Variants in FUS observed in about 807,000 individuals in gnomAD.
FUS encodes the protein RNA-binding protein FUS.
Under a neutral mutation model 82.7 loss-of-function variants are expected in FUS, and 5 were observed. The observed-to-expected ratio is 0.06, with a 90% CI of 0.03 to 0.13. The LOEUF is 0.13. FUS is among the 10% of genes least tolerant of loss of function. FUS has a pLI of 1.00. For synonymous variants in FUS, 281 were observed against 247.4 expected, an observed-to-expected ratio of 1.14 and a Z score of -1.27; for missense variants, 512 against 707.8, an observed-to-expected ratio of 0.72 and a Z score of 3.14.
rs377225901 is a variant in FUS, at chr16:31,182,472, A to T, written c.39-41A>T. 2.5e-6 allele frequency: 4 copies of T among 1,614,074 alleles called. No homozygotes were observed. In the Admixed American group the frequency reaches 6.7e-5, roughly 27 times the overall value. On this transcript the variant is annotated intron_variant, in intron 2 of 14. Coordinates refer to ENST00000254108, the MANE Select transcript of FUS (RefSeq NM_004960.4). ...GAGTTTGTAGAGGGCAAGGGTGGTC[A>T]CGCCATGTTTTCTGATCACGCTGGT...
At chr16:31,193,183 G>T (rs1168397958), downstream of FUS, 1 of 490,240 alleles carries the variant, frequency 2.0e-6, no homozygotes, top group East Asian at 4.8e-5. Flanking sequence ...CTCAGGTGAT[G>T]TGCACACCTC....
intron 3 of FUS, chr16:31,183,082 A>AAC: frequency 3.6e-6 from 1 of 276,244 alleles, no homozygotes. Flanking sequence ...GAAACAGTGT[A>AAC]TAAGTCTTAA....
chr16:31,187,959 TCTCTC>T, intron 7 of FUS: 1 of 349,094 alleles, frequency 2.9e-6, no homozygotes. Context: ...CCATCTCTCT[TCTCTC>T]GGGTGAGAGA....
At chr16:31,192,187 C>T, downstream of FUS, 2 of 528,138 alleles carry the variant, frequency 3.8e-6, no homozygotes, top group Non-Finnish European at 7.3e-6. Context: ...CTTTCACATC[C>T]TGCCTGTACT....
At chr16:31,191,238 G>A in intron 14 of FUS, 128 bp downstream of exon 14, 1 of 1,471,546 alleles carries the variant, frequency 6.8e-7, no homozygotes, top group Non-Finnish European at 9.4e-7. Context: ...AACCAGTAGT[G>A]GAGAGGGAAG....
chr16:31,192,433 A>G (rs902007726), downstream of FUS: 3 of 523,168 alleles, frequency 5.7e-6, no homozygotes, highest in Non-Finnish European at 1.1e-5. Flanking sequence ...AGAGCGTAAC[A>G]TTAACCCAAG....
In FUS at chr16:31,189,023, A is replaced by C; in HGVS notation, c.833-100A>C. The C allele has an allele frequency of 6.8e-6, 6 of 878,222 alleles. No homozygotes were observed. The South Asian group carries it at 7.9e-5, about 12-fold the overall frequency. The allele number at this position is 878,222 out of a possible 1,614,324, so 54.4% of individuals were successfully genotyped here. A position where few individuals can be genotyped will look rare whatever the true frequency, so the allele number is the denominator to read the frequency against. On this transcript the variant is annotated intron_variant, in intron 8 of 14. Transcript: ENST00000254108. Reference sequence around the variant, plus strand: ...CTTTTTAGTTGTCTTCCATAAACCAAATGATACCAGTTGCTTGATGGATAC... The same window carrying C: ...CTTTTTAGTTGTCTTCCATAAACCACATGATACCAGTTGCTTGATGGATAC...
downstream of FUS, chr16:31,192,220 A>G (rs1364737854): frequency 3.8e-6 from 2 of 525,878 alleles, no homozygotes; most frequent in Admixed American, 4.5e-5. Context: ...GGTCATTGAC[A>G]TTATGAGATT....
At chr16:31,187,861 A>G (rs75418901) in intron 7 of FUS, 37 of 247,116 alleles carry the variant, frequency 1.5e-4, no homozygotes, top group African/African-American at 7.7e-4. Context: ...CTAAAGATGA[A>G]ATTAAAAATT....
At chr16:31,194,440 C>T (rs1236009238), downstream of FUS, 3 of 507,140 alleles carry the variant, frequency 5.9e-6, no homozygotes, top group Non-Finnish European at 1.2e-5. Context: ...ACTACAGGCA[C>T]CTGCCACCAT....
At chr16:31,185,857 C>T (rs1227007298) in intron 6 of FUS, 2 of 265,182 alleles carry the variant, frequency 7.5e-6, no homozygotes, top group African/African-American at 2.2e-5. Context: ...TTCTTTCCTT[C>T]CTGCTGAAGT....
chr16:31,180,220 C>G lies in FUS; in HGVS notation c.6C>G (p.Ala2=), dbSNP rs549671130. 3 of 1,611,112 alleles carry G rather than the reference C, an allele frequency of 1.9e-6. No homozygotes were observed. The highest frequency in any genetic ancestry group is 2.7e-5 in the African/African-American group (2 of 74,920). Residue 2 remains alanine, a synonymous_variant, in exon 1 of 15, where the codon GCC becomes GCG. Coordinates refer to ENST00000254108, the MANE Select transcript of FUS (RefSeq NM_004960.4). ...CTGTGCGCGCGTGCGCGGACATGGC[C>G]TCAAACGGTAGGTAAGGGCGCGAGG... M[A]SNDYTQQATQ...
chr16:31,191,372 ACTT>A (rs780746530), intron 14 of FUS, 24 bp from the exon 15 acceptor site: 237 of 1,590,138 alleles, frequency 1.5e-4, no homozygotes, highest in Middle Eastern at 5.0e-4. Flanking sequence ...TATAATGGAT[ACTT>A]AATTTTTTTT....
chr16:31,187,040 C>G, intron 7 of FUS: 1 of 628,712 alleles, frequency 1.6e-6, no homozygotes. Flanking sequence ...CAATAGTCAT[C>G]TTTTACCAAA....
chr16:31,187,131 A>G (rs2079282204), intron 7 of FUS: 2 of 511,604 alleles, frequency 3.9e-6, no homozygotes, highest in East Asian at 6.4e-5. Context: ...AGTGACCATC[A>G]TCATGAGAAA....
At chr16:31,185,233 A>G (rs2079250451) in intron 6 of FUS, 54 bp downstream of exon 6, 11 of 1,539,184 alleles carry the variant, frequency 7.1e-6, no homozygotes, top group South Asian at 1.2e-5. Context: ...GGAGGATTGC[A>G]TGAATCTCCC....
downstream of FUS, chr16:31,192,310 C>A: frequency 1.9e-6 from 1 of 527,060 alleles, no homozygotes; most frequent in Non-Finnish European, 3.7e-6. Flanking sequence ...GAAGGGGTTG[C>A]AGCCAATGAG....
downstream of FUS, chr16:31,192,827 C>T: frequency 2.1e-6 from 1 of 482,888 alleles, no homozygotes; most frequent in Non-Finnish European, 4.1e-6. Flanking sequence ...CTGCCTTGGC[C>T]TCCCAAAGTG....
chr16:31,190,500 G>A (rs2079338323), intron 12 of FUS, 102 bp downstream of exon 12: 8 of 1,557,278 alleles, frequency 5.1e-6, no homozygotes, highest in African/African-American at 1.4e-5. Flanking sequence ...AAATGTCAAG[G>A]CCACACTGTT....
Sources: gnomAD v4.1 joint callset for allele counts on GRCh38, gnomAD v4.1.1 for gene constraint, MANE v1.5 for transcripts, NCBI Gene and HGNC (gene_info 2026-07-23, HGNC 2026-07-21) for gene names.